The following USP24 variants were observed in gnomAD, a reference collection of about 807,000 sequenced individuals.
The protein encoded by USP24 is ubiquitin carboxyl-terminal hydrolase 24.
A neutral mutation model predicts 361.6 loss-of-function variants in USP24; 97 were observed. The ratio of observed to expected loss-of-function variants is 0.27; its 90% confidence interval spans 0.23 to 0.32. The LOEUF is 0.32. Ranked by LOEUF, USP24 falls within the 10% of genes least tolerant of loss-of-function variation. USP24 has a pLI of 1.00. For missense variants in USP24, 2,353 were observed against 3,165.6 expected, an observed-to-expected ratio of 0.74 and a Z score of 6.16; for synonymous variants, 1,098 against 1,124.6, an observed-to-expected ratio of 0.98 and a Z score of 0.47.
intron 1 of USP24, among the ~76,000 whole-genome samples, chr1:55,191,529 C>T (rs1235083937): frequency 2.8e-5 from 4 of 144,244 alleles, no homozygotes; most frequent in Non-Finnish European, 4.5e-5. Context: ...CTCGCTCTGT[C>T]ACCCACACTG....
At chr1:55,086,207 T>TC (rs973684842) in intron 55 of USP24, 169 bp from the exon 56 acceptor site, 6 of 627,134 alleles carry the variant, frequency 9.6e-6, no homozygotes, top group African/African-American at 1.8e-5. Context: ...TTCTGCTTAT[T>TC]CCTGCTAACT....
intron 52 of USP24, among the ~76,000 whole-genome samples, chr1:55,093,220 G>C (rs1393969368): frequency 2.0e-5 from 3 of 152,196 alleles, no homozygotes; most frequent in Non-Finnish European, 4.4e-5. Context: ...GGGATAAACA[G>C]AGCTCTCCCA....
intron 56 of USP24, among the ~76,000 whole-genome samples, chr1:55,085,282 G>C (rs1200794771): frequency 1.3e-5 from 2 of 152,216 alleles, no homozygotes; most frequent in Non-Finnish European, 2.9e-5. Flanking sequence ...CCTCCTTAAA[G>C]GACTTGCTCA....
rs1646828669 is a variant in USP24 at position 55,139,476 on chromosome 1, C to T, written c.2751-466G>A. On this transcript the variant is annotated intron_variant, in intron 24 of 67. Coordinates refer to ENST00000294383, the MANE Select transcript of USP24 (RefSeq NM_015306.3). ...GTAAGTACGACACAAACAAAAGTTG[C>T]TATCTAAAAATGAGATCTGAGGTCT... Among the ~76,000 whole-genome samples, 4 of 152,226 alleles carry T rather than the reference C, an allele frequency of 2.6e-5. No homozygotes were observed. In the South Asian group the frequency reaches 8.3e-4, roughly 32 times the overall value.
chr1:55,097,280 G>T, intron 48 of USP24, 108 bp from the exon 49 acceptor site: 2 of 1,247,606 alleles, frequency 1.6e-6, no homozygotes, highest in Non-Finnish European at 2.2e-6. Flanking sequence ...TTTAAGCTAG[G>T]AACAACTACC....
At chr1:55,125,827 AGTAAT>A in intron 32 of USP24, 69 bp from the exon 33 acceptor site, 5 of 1,318,656 alleles carry the variant, frequency 3.8e-6, no homozygotes, top group South Asian at 1.4e-5. Context: ...ATTTTCCATA[AGTAAT>A]GTAATCAGTC....
intron 12 of USP24, 85 bp from the exon 13 acceptor site, chr1:55,154,863 A>T (rs1034853049): frequency 2.2e-5 from 21 of 954,582 alleles, no homozygotes; most frequent in Non-Finnish European, 2.9e-5. Flanking sequence ...CAGAAGCACA[A>T]GCAAAAATAT....
intron 50 of USP24, among the ~76,000 whole-genome samples, chr1:55,095,891 C>A (rs540260866): frequency 3.9e-5 from 6 of 152,138 alleles, no homozygotes; most frequent in Non-Finnish European, 7.4e-5. Flanking sequence ...TACAGTGAAT[C>A]CAATACAGCT....
intron 67 of USP24, among the ~76,000 whole-genome samples, chr1:55,069,503 T>A (rs1644876389): frequency 6.6e-6 from 1 of 152,216 alleles, no homozygotes; most frequent in African/African-American, 2.4e-5. Flanking sequence ...GTCTGAAGGC[T>A]ACCTCTGTTA....
At chr1:55,201,628 A>C (rs957639465) in intron 1 of USP24, among the ~76,000 whole-genome samples, 2 of 147,480 alleles carry the variant, frequency 1.4e-5, no homozygotes, top group South Asian at 4.4e-4. Flanking sequence ...AAAAAAAAAA[A>C]AGACTCAATT....
intron 1 of USP24, among the ~76,000 whole-genome samples, chr1:55,189,346 C>A (rs1054562169): frequency 6.6e-6 from 1 of 152,090 alleles, no homozygotes; most frequent in African/African-American, 2.4e-5. Flanking sequence ...TAAAAATGAT[C>A]AAAATACTGA....
At chr1:55,169,275 G>C (rs1649210584) in intron 5 of USP24, among the ~76,000 whole-genome samples, 3 of 152,044 alleles carry the variant, frequency 2.0e-5, no homozygotes, top group Non-Finnish European at 2.9e-5. Flanking sequence ...TATCACAATT[G>C]CAACACAAGG....
At position 55,215,139 on chromosome 1, in the gene USP24, C is replaced by G. The variant is rs1644957849; in HGVS notation, c.-26G>C. The G allele has an allele frequency of 2.4e-6, 3 of 1,231,128 alleles. No individual in the cohort carries two copies. The highest frequency in any genetic ancestry group is 2.0e-6 in the Non-Finnish European group (2 of 982,070). 76.3% of individuals were successfully genotyped at this position (1,231,128 alleles called of 1,614,324 possible). ...GGCTTGGGCCTCCTGGCCGCCCCGG[C>G]CAGCGCACGGCGAAGCTACGGGTCC... is the stretch of plus-strand genomic sequence containing the variant. On this transcript the variant is annotated 5_prime_UTR_variant, in exon 1 of 68. Transcript: ENST00000294383.
At chr1:55,153,807 AT>A (rs1288723604) in intron 16 of USP24, 62 bp downstream of exon 16, 1 of 1,416,898 alleles carries the variant, frequency 7.1e-7, no homozygotes, top group Non-Finnish European at 9.6e-7. Flanking sequence ...TTGTGGTGTA[AT>A]TTATTAAAGG....
chr1:55,086,947 C>T (rs543589954), intron 55 of USP24, among the ~76,000 whole-genome samples: 2 of 152,218 alleles, frequency 1.3e-5, no homozygotes, highest in South Asian at 4.2e-4. Context: ...TGTAAAGTAT[C>T]CTTCATGTTA....
chr1:55,138,884 G>T, intron 25 of USP24, 60 bp downstream of exon 25: 1 of 1,540,858 alleles, frequency 6.5e-7, no homozygotes, highest in Non-Finnish European at 8.9e-7. Flanking sequence ...AGGCTGAGGT[G>T]GGAAGATCGC....
chr1:55,074,825 T>A (rs562363190), intron 63 of USP24, among the ~76,000 whole-genome samples: 171 of 152,228 alleles, frequency 1.1e-3, no homozygotes, highest in Middle Eastern at 3.4e-3. Flanking sequence ...AGCTTAAATC[T>A]TTTTTCTACA....
intron 55 of USP24, among the ~76,000 whole-genome samples, chr1:55,087,083 A>C (rs1374132486): frequency 1.3e-5 from 2 of 152,240 alleles, no homozygotes; most frequent in Non-Finnish European, 2.9e-5. Context: ...AAAAGACAAT[A>C]TCTCTTCATG....
chr1:55,138,620 G>T lies in USP24; in HGVS notation c.2916C>A (p.Thr972=), dbSNP rs1211547771. 1 of 1,609,142 alleles carries T rather than the reference G, an allele frequency of 6.2e-7. No homozygotes were observed. The highest frequency in any genetic ancestry group is 1.7e-5 in the Admixed American group (1 of 59,762). Residue 972 remains threonine (T), a synonymous_variant, in exon 26 of 68, where the codon ACC becomes ACA. Transcript: ENST00000294383. ...LNVTYESTKD[T]FTVEAHSNET... is the part of the protein sequence containing the mutation. ...AATGTAAACCTACCTCGACAGTGAA[G>T]GTATCTTTGGTAGACTCATAGGTAA...
Sources: allele counts gnomAD v4.1 joint callset (sites outside exome capture counted in the v4.1 genomes callset), GRCh38; gene constraint gnomAD v4.1.1; transcripts MANE v1.5; gene names NCBI Gene and HGNC (gene_info 2026-07-23, HGNC 2026-07-21).